Variants in FAM181A observed in about 807,000 individuals in gnomAD.
FAM181A encodes the protein family with sequence similarity 181 member A.
FAM181A carries 7 observed loss-of-function variants against 16.3 expected under a neutral mutation model. That is an observed-to-expected ratio of 0.43 (90% CI 0.24 to 0.81). The LOEUF (loss-of-function observed/expected upper bound fraction) is 0.81. Ranked by LOEUF, FAM181A falls within the 30% of genes least tolerant of loss-of-function variation. The pLI is 0.24. For synonymous variants in FAM181A, 183 were observed against 164.9 expected (o/e 1.11, Z -0.84); for missense variants, 349 against 377.5 (o/e 0.92, Z 0.63).
chr14:93,927,159 G>T (rs139831906), upstream of FAM181A: 4 of 467,268 alleles, frequency 8.6e-6, no homozygotes, highest in East Asian at 6.1e-4. Flanking sequence ...ACCGGGAAAT[G>T]ATTGCATTTG....
upstream of FAM181A, among the ~76,000 whole-genome samples, chr14:93,925,733 C>A (rs764694212): frequency 6.6e-6 from 1 of 151,870 alleles, no homozygotes; most frequent in African/African-American, 2.4e-5. Context: ...GTCCACACTT[C>A]CCCGACCCCG....
At chr14:93,925,715 C>T (rs1221530188), upstream of FAM181A, among the ~76,000 whole-genome samples, 9 of 151,750 alleles carry the variant, frequency 5.9e-5, no homozygotes, top group African/African-American at 1.9e-4. Context: ...AGCGGCACTT[C>T]CATCTCGGTC....
intron 1 of FAM181A, 54 bp downstream of exon 1, chr14:93,927,508 A>C (rs1267981843): frequency 8.6e-7 from 1 of 1,161,372 alleles, no homozygotes; most frequent in Non-Finnish European, 1.1e-6. Context: ...GTGTGGGGGC[A>C]GGCTGGGGCC....
intron 1 of FAM181A, 75 bp from the exon 2 acceptor site, chr14:93,928,124 A>G (rs1355976408): frequency 1.3e-6 from 2 of 1,559,584 alleles, no homozygotes; most frequent in Non-Finnish European, 1.7e-6. Context: ...CTGTTTGTAG[A>G]CAGGTGCTGT....
rs770492169 is a variant in FAM181A at position 93,928,513 on chromosome 14, C to G, written c.228C>G (p.Pro76=). The G allele has an allele frequency of 6.8e-6, 11 of 1,611,464 alleles. No homozygotes were observed. The highest frequency in any genetic ancestry group is 9.3e-6 in the Non-Finnish European group (11 of 1,178,248). ...PYLKRGSEDR[P]RRLLLDLGPD... is the part of the protein sequence containing the mutation. The stretch of plus-strand genomic sequence containing the variant: ...TGAAAAGGGGGTCTGAGGACCGGCC[C>G]AGGAGGCTGCTCCTGGATTTGGGCC... The change falls in exon 2 of 2, where the codon CCC becomes CCG. Residue 76 remains proline (P), a synonymous_variant. Transcript: ENST00000556222.
At chr14:93,927,475 G>A in intron 1 of FAM181A, 21 bp downstream of exon 1, 1 of 1,255,438 alleles carries the variant, frequency 8.0e-7, no homozygotes, top group Non-Finnish European at 1.0e-6. Context: ...AGGCCCGGTG[G>A]CTCTGGCCCG....
chr14:93,926,081 C>G (rs1172730223), upstream of FAM181A, among the ~76,000 whole-genome samples: 1 of 152,042 alleles, frequency 6.6e-6, no homozygotes, highest in Non-Finnish European at 1.5e-5. This position sits in a 1 kb window ranked among gnomAD's most constrained non-coding sequence, Gnocchi z 5.2. Context: ...CACCAGCCAT[C>G]TGGCTGGTGA....
chr14:93,924,700 G>A (rs377577908), upstream of FAM181A, among the ~76,000 whole-genome samples: 6 of 152,324 alleles, frequency 3.9e-5, no homozygotes, highest in South Asian at 2.1e-4. Context: ...CTTCCTGGCC[G>A]GCAGCGCTTA....
Position 93,928,375 on chromosome 14 carries a change from C to G in FAM181A, c.90C>G (p.Pro30=). ...DIKAALDKSA[P]CRRSVDHRKY... is the part of the protein sequence containing the mutation. Reference sequence around the variant, plus strand: ...AGGCAGCCCTGGATAAGTCCGCACCCTGCCGCCGCTCCGTGGACCATCGCA... The same window carrying G: ...AGGCAGCCCTGGATAAGTCCGCACCGTGCCGCCGCTCCGTGGACCATCGCA... Residue 30 remains proline, a synonymous_variant, in exon 2 of 2, where the codon CCC becomes CCG. Transcript: ENST00000556222. The G allele has an allele frequency of 6.2e-7, 1 of 1,613,906 alleles. No individual in the cohort carries two copies. The highest frequency in any genetic ancestry group is 8.5e-7 in the Non-Finnish European group (1 of 1,180,016).
chr14:93,927,263 T>A, upstream of FAM181A: 2 of 1,011,372 alleles, frequency 2.0e-6, no homozygotes, highest in South Asian at 7.5e-5. Flanking sequence ...GGATGCTTTG[T>A]ATCTGGAGAG....
chr14:93,928,013 G>A (rs1887983188), intron 1 of FAM181A, among the ~76,000 whole-genome samples, 186 bp from the exon 2 acceptor site: 1 of 152,166 alleles, frequency 6.6e-6, no homozygotes, highest in Non-Finnish European at 1.5e-5. Context: ...CTCTGCTGGT[G>A]CCTGCCGCAT....
In FAM181A at chr14:93,928,494, G is replaced by A. The variant is rs1466558185; in HGVS notation, c.209G>A (p.Arg70Lys). 2 of 1,610,060 alleles carry A rather than the reference G, an allele frequency of 1.2e-6. No individual in the cohort carries two copies. The highest frequency in any genetic ancestry group is 1.7e-5 in the Admixed American group (1 of 59,920). Residue 70 changes from arginine (R) to lysine (K), a missense_variant, in exon 2 of 2, where the codon AGG (arginine) becomes AAG (lysine). Arg to Lys is a conservative substitution (Grantham distance 26). Coordinates refer to ENST00000556222, the MANE Select transcript of FAM181A (RefSeq NM_001207073.2). ...AGAGCTGCTGAGCCCTACCTGAAAAGGGGGTCTGAGGACCGGCCCAGGAGG... is the reference window on the plus strand; with the variant it reads ...AGAGCTGCTGAGCCCTACCTGAAAAAGGGGTCTGAGGACCGGCCCAGGAGG... ...PGRAAEPYLK[R>K]GSEDRPRRLL... is the part of the protein sequence containing the mutation.
intron 1 of FAM181A, among the ~76,000 whole-genome samples, chr14:93,920,738 GA>G (rs1242304348): frequency 6.6e-6 from 1 of 152,204 alleles, no homozygotes; most frequent in Non-Finnish European, 1.5e-5. Flanking sequence ...ATCCCATGGT[GA>G]AAGACCAAAA....
rs766889855 is a variant in FAM181A, at chr14:93,929,036, G to A, written c.751G>A (p.Glu251Lys). 4.4e-6 allele frequency: 7 copies of A among 1,604,284 alleles called. No individual in the cohort carries two copies. The Admixed American group carries it at 5.1e-5, about 12-fold the overall frequency. ...LWRKSPAFPG[E>K]LAHLCKDVDG... is the part of the protein sequence containing the mutation. ...GAGGAAGAGCCCAGCCTTTCCCGGG[G>A]AGCTGGCGCACCTCTGCAAGGATGT... The change falls in exon 2 of 2, where the codon GAG becomes AAG. Residue 251 changes from glutamate (E) to lysine (K), a missense_variant. Physicochemically the swap from Glu to Lys is moderately conservative, Grantham distance 56 (BLOSUM62 1). Coordinates refer to ENST00000556222, the MANE Select transcript of FAM181A (RefSeq NM_001207073.2).
At chr14:93,924,729 C>T (rs190153359), upstream of FAM181A, among the ~76,000 whole-genome samples, 57 of 152,318 alleles carry the variant, frequency 3.7e-4, no homozygotes, top group African/African-American at 1.3e-3. Context: ...CTGGTGCTCA[C>T]GGGAGCTCCA....
At chr14:93,921,540 C>A (rs1477069966) in intron 1 of FAM181A, among the ~76,000 whole-genome samples, 1 of 152,252 alleles carries the variant, frequency 6.6e-6, no homozygotes, top group Non-Finnish European at 1.5e-5. Context: ...AGCTGACAGC[C>A]TGCCGTGGGC....
chr14:93,925,489 C>A, upstream of FAM181A: 2 of 846,614 alleles, frequency 2.4e-6, no homozygotes, highest in Non-Finnish European at 3.6e-6. Flanking sequence ...TCAGGGCGCT[C>A]TCTTCAGCCA....
rs779131551 is a variant in FAM181A at position 93,928,228 on chromosome 14, C to G, written c.-58C>G. The G allele has an allele frequency of 6.2e-7, 1 of 1,613,472 alleles. No individual in the cohort carries two copies. The highest frequency in any genetic ancestry group is 1.3e-5 in the African/African-American group (1 of 75,020). On this transcript the variant is annotated 5_prime_UTR_variant, in exon 2 of 2. Transcript: ENST00000556222. ...GCTCGGTGCCCTTCCTTGGAGCTGC[C>G]GGCCACCAGCAGAGCCTACCCTCTT...
chr14:93,928,158 G>A, intron 1 of FAM181A, 41 bp from the exon 2 acceptor site: 1 of 1,594,392 alleles, frequency 6.3e-7, no homozygotes, highest in Non-Finnish European at 8.5e-7. Flanking sequence ...GGCTGGGTGT[G>A]GTTGCTTGGA....
Sources: gnomAD v4.1 joint callset for allele counts (sites outside exome capture counted in the v4.1 genomes callset) on GRCh38, gnomAD v4.1.1 for gene constraint, Gnocchi (gnomAD v3.1) non-coding constraint, MANE v1.5 for transcripts, NCBI Gene and HGNC (gene_info 2026-07-23, HGNC 2026-07-21) for gene names.